The following NR3C2 variants were observed in gnomAD, a reference collection of about 807,000 sequenced individuals.
NR3C2 encodes the protein mineralocorticoid receptor.
NR3C2 carries 15 observed loss-of-function variants against 86.4 expected under a neutral mutation model. The observed-to-expected ratio is 0.17, with a 90% CI of 0.12 to 0.27. The LOEUF (loss-of-function observed/expected upper bound fraction) is 0.27, where lower values mean the gene tolerates loss of function less well. Ranked by LOEUF, NR3C2 falls within the 10% of genes least tolerant of loss-of-function variation. NR3C2 has a pLI of 1.00. For synonymous variants in NR3C2, 458 were observed against 450.5 expected (o/e 1.02, Z -0.21); for missense variants, 960 against 1,195.6 (o/e 0.80, Z 2.91).
chr4:148,304,481 A>G (rs1742507682), intron 2 of NR3C2, among the ~76,000 whole-genome samples: 1 of 151,966 alleles, frequency 6.6e-6, no homozygotes, highest in Admixed American at 6.6e-5. Flanking sequence ...CCTTCAGGAC[A>G]TTAAACTCCA....
chr4:148,296,263 C>T (rs1742052003), intron 2 of NR3C2, among the ~76,000 whole-genome samples: 1 of 151,558 alleles, frequency 6.6e-6, no homozygotes, highest in African/African-American at 2.4e-5. Flanking sequence ...TATCTGTGCT[C>T]CAGCATCACT....
At chr4:148,443,786 G>T (rs1253859828), upstream of NR3C2, among the ~76,000 whole-genome samples, 1 of 151,916 alleles carries the variant, frequency 6.6e-6, no homozygotes, top group East Asian at 1.9e-4. Context: ...AGCCCGAGGC[G>T]GGGGACCGGG....
chr4:148,323,208 G>C (rs1160929862), intron 2 of NR3C2, among the ~76,000 whole-genome samples: 8 of 116,960 alleles, frequency 6.8e-5, no homozygotes, highest in South Asian at 3.6e-4. Flanking sequence ...AGGGGTCAGG[G>C]ACCCACTTGA....
chr4:148,192,499 G>C (rs1736244026), intron 4 of NR3C2, among the ~76,000 whole-genome samples: 1 of 152,196 alleles, frequency 6.6e-6, no homozygotes, highest in Admixed American at 6.5e-5. Flanking sequence ...ATCAGTTGTA[G>C]TAGTGTGCTG....
intron 3 of NR3C2, among the ~76,000 whole-genome samples, chr4:148,215,681 G>T (rs1301069520): frequency 6.6e-6 from 1 of 151,940 alleles, no homozygotes; most frequent in Admixed American, 6.6e-5. Context: ...GTCCATTTGA[G>T]AAAGGTGACA....
chr4:148,381,319 G>GT (rs1369948406), intron 2 of NR3C2, among the ~76,000 whole-genome samples: 16 of 152,102 alleles, frequency 1.1e-4, no homozygotes, highest in Admixed American at 2.6e-4. Flanking sequence ...AGTAAATGGT[G>GT]TAAGTGAGCT....
intron 2 of NR3C2, among the ~76,000 whole-genome samples, chr4:148,396,960 T>TA (rs1747890038): frequency 6.6e-6 from 1 of 152,108 alleles, no homozygotes; most frequent in South Asian, 2.1e-4. Flanking sequence ...TAAGAACCCT[T>TA]CTTTTTCATG....
intron 2 of NR3C2, among the ~76,000 whole-genome samples, chr4:148,397,911 A>G (rs983085484): frequency 1.3e-5 from 2 of 152,208 alleles, no homozygotes; most frequent in Admixed American, 6.5e-5. Flanking sequence ...ACAGTTCTGG[A>G]GGCCAGAAGT....
intron 2 of NR3C2, among the ~76,000 whole-genome samples, chr4:148,349,178 G>C (rs1355756151): frequency 1.3e-5 from 2 of 152,092 alleles, no homozygotes; most frequent in Non-Finnish European, 2.9e-5. Flanking sequence ...CCCAGAACCT[G>C]ACACAGATAA....
intron 3 of NR3C2, among the ~76,000 whole-genome samples, chr4:148,236,911 G>A (rs1738775928): frequency 6.6e-6 from 1 of 152,100 alleles, no homozygotes; most frequent in Admixed American, 6.5e-5. Flanking sequence ...AGTTCTTAAG[G>A]GGCTATCATC....
At chr4:148,348,038 A>G (rs1450041810) in intron 2 of NR3C2, among the ~76,000 whole-genome samples, 1 of 152,118 alleles carries the variant, frequency 6.6e-6, no homozygotes, top group East Asian at 1.9e-4. Context: ...AGCACCATGC[A>G]CTTCTCCTTT....
chr4:148,414,062 T>C (rs188468057), intron 2 of NR3C2, among the ~76,000 whole-genome samples: 1 of 152,284 alleles, frequency 6.6e-6, no homozygotes, highest in East Asian at 1.9e-4. Context: ...TAAATGTCCA[T>C]TAATAGGGAA....
At chr4:148,272,750 T>C (rs1256160102) in intron 2 of NR3C2, among the ~76,000 whole-genome samples, 1 of 152,188 alleles carries the variant, frequency 6.6e-6, no homozygotes, top group Non-Finnish European at 1.5e-5. Flanking sequence ...TAGGCTTTTG[T>C]CTTTGGCGCA....
At chr4:148,234,865 T>C (rs138240894) in intron 3 of NR3C2, among the ~76,000 whole-genome samples, 67 of 152,296 alleles carry the variant, frequency 4.4e-4, no homozygotes, top group African/African-American at 1.6e-3. Context: ...AGGTTTGCTA[T>C]ACAGGTAAAT....
chr4:148,132,237 T>C lies in NR3C2; in HGVS notation c.2511-11949A>G, dbSNP rs943781698. Among the ~76,000 whole-genome samples the C allele has an allele frequency of 2.0e-5, 3 of 152,106 alleles. 1 individual carries two copies. In the South Asian group the frequency reaches 6.2e-4, roughly 32 times the overall value. ...CAAAAATGTTTTGCTTGACCAAAGG[T>C]TTAATCTTAGTATTCCTTGAACTGT... is the stretch of plus-strand genomic sequence containing the variant. On this transcript the variant is annotated intron_variant, in intron 6 of 8. Transcript: ENST00000358102.
chr4:148,250,114 T>C (rs1739505077), intron 3 of NR3C2, among the ~76,000 whole-genome samples: 1 of 152,192 alleles, frequency 6.6e-6, no homozygotes, highest in Non-Finnish European at 1.5e-5. Context: ...ATTTATATTT[T>C]ACATATAACT....
At chr4:148,299,364 A>G (rs1360564668) in intron 2 of NR3C2, among the ~76,000 whole-genome samples, 1 of 151,990 alleles carries the variant, frequency 6.6e-6, no homozygotes, top group Non-Finnish European at 1.5e-5. Context: ...TGCATCCCCA[A>G]CCCTGTCGCT....
At chr4:148,263,821 G>A (rs1157657085) in intron 2 of NR3C2, among the ~76,000 whole-genome samples, 3 of 152,146 alleles carry the variant, frequency 2.0e-5, no homozygotes, top group Non-Finnish European at 4.4e-5. Flanking sequence ...CCAGCATGAA[G>A]TACCACTCTC....
intron 2 of NR3C2, among the ~76,000 whole-genome samples, chr4:148,300,179 T>C (rs894194251): frequency 1.3e-5 from 2 of 152,234 alleles, no homozygotes; most frequent in South Asian, 2.1e-4. Flanking sequence ...TGTAACCACA[T>C]GGCAATGCTT....
Sources: allele counts gnomAD v4.1 joint callset (sites outside exome capture counted in the v4.1 genomes callset), GRCh38; gene constraint gnomAD v4.1.1; transcripts MANE v1.5; gene names NCBI Gene and HGNC (gene_info 2026-07-23, HGNC 2026-07-21).